The following ZNF608 variants were observed in gnomAD, a reference collection of about 807,000 sequenced individuals.
ZNF608 encodes the protein zinc finger protein 608.
In ZNF608, 12 loss-of-function variants were observed where a neutral mutation model predicts 109.0. That is an observed-to-expected ratio of 0.11 (90% CI 0.07 to 0.18). The LOEUF (loss-of-function observed/expected upper bound fraction) is 0.18. ZNF608 is among the 10% of genes least tolerant of loss of function. The pLI is 1.00. For synonymous variants in ZNF608, 732 were observed against 717.4 expected, an observed-to-expected ratio of 1.02 and a Z score of -0.33; for missense variants, 1,707 against 1,879.3, an observed-to-expected ratio of 0.91 and a Z score of 1.70.
intron 2 of ZNF608, among the ~76,000 whole-genome samples, chr5:124,713,353 G>A (rs1561578092): frequency 6.6e-6 from 1 of 152,162 alleles, no homozygotes; most frequent in Non-Finnish European, 1.5e-5. Context: ...GATGGCCCAC[G>A]GTCCAAATCT....
At chr5:124,746,752 C>T (rs1749654038), upstream of ZNF608, 13 of 985,026 alleles carry the variant, frequency 1.3e-5, no homozygotes, top group Non-Finnish European at 1.6e-5. Context: ...TGGCATTTTT[C>T]CGCCCGTCCT....
chr5:124,669,266 G>A (rs1751615051), intron 3 of ZNF608, among the ~76,000 whole-genome samples: 2 of 152,090 alleles, frequency 1.3e-5, no homozygotes, highest in Non-Finnish European at 2.9e-5. Context: ...AACTTGCATT[G>A]CAAGCCTCTT....
In ZNF608 at chr5:124,648,345, G is replaced by A. The variant is rs186374145; in HGVS notation, c.2039C>T (p.Thr680Met). The change falls in exon 5 of 10, where the codon ACG becomes ATG. Residue 680 changes from threonine to methionine, a missense_variant. Physicochemically the swap from Thr to Met is moderately conservative, Grantham distance 81. This residue lies in a region of ZNF608 where 1,073 missense variants were observed against 1,133.5 expected (regional missense o/e 0.95). Coordinates refer to ENST00000513986, the MANE Select transcript of ZNF608 (RefSeq NM_020747.3). The stretch of plus-strand genomic sequence containing the variant: ...TGCCGAGCAACTGTCTAACGCAGCC[G>A]TCATGTTGGAGATTACTGGAAGGTT... ...LNNLPVISNM[T>M]AALDSCSAAD... 3.0e-5 allele frequency: 49 copies of A among 1,614,210 alleles called. No individual in the cohort carries two copies. The highest frequency in any genetic ancestry group is 1.2e-4 in the African/African-American group (9 of 75,054).
At chr5:124,694,232 A>G (rs1423991806) in intron 3 of ZNF608, among the ~76,000 whole-genome samples, 1 of 137,400 alleles carries the variant, frequency 7.3e-6, no homozygotes, top group Non-Finnish European at 1.5e-5. Context: ...TGACCTCCTG[A>G]TCCGCCCGCC....
At chr5:124,715,003 G>A (rs2149871645) in intron 2 of ZNF608, among the ~76,000 whole-genome samples, 1 of 152,288 alleles carries the variant, frequency 6.6e-6, no homozygotes, top group Non-Finnish European at 1.5e-5. Context: ...CTAAGAATGA[G>A]ATCAGGATCT....
chr5:124,654,183 T>C (rs550715794), intron 3 of ZNF608, among the ~76,000 whole-genome samples: 9 of 152,118 alleles, frequency 5.9e-5, no homozygotes, highest in African/African-American at 2.2e-4. Context: ...CTGCTCACTG[T>C]CTTTTTCCTA....
At chr5:124,665,157 C>T (rs1751424884) in intron 3 of ZNF608, among the ~76,000 whole-genome samples, 1 of 146,930 alleles carries the variant, frequency 6.8e-6, no homozygotes, top group African/African-American at 2.6e-5. Flanking sequence ...GCCTGGGCAA[C>T]AGAGGGAGAC....
chr5:124,695,390 T>A (rs1028425847), intron 3 of ZNF608, among the ~76,000 whole-genome samples: 1 of 152,222 alleles, frequency 6.6e-6, no homozygotes, highest in Non-Finnish European at 1.5e-5. Context: ...TTTTCAGTAG[T>A]AAGATTGGCA....
intron 2 of ZNF608, chr5:124,710,626 A>T (rs1753451562): frequency 6.4e-6 from 1 of 155,276 alleles, no homozygotes; most frequent in Non-Finnish European, 1.4e-5. Context: ...CATATATTCA[A>T]CATATGTCCA....
At chr5:124,731,845 T>C (rs1359418232) in intron 2 of ZNF608, among the ~76,000 whole-genome samples, 1 of 152,096 alleles carries the variant, frequency 6.6e-6, no homozygotes, top group Non-Finnish European at 1.5e-5. Context: ...AAAAAAAGTT[T>C]GGAGTTTTAG....
chr5:124,724,359 C>G (rs550125678), intron 2 of ZNF608, among the ~76,000 whole-genome samples: 14 of 151,976 alleles, frequency 9.2e-5, no homozygotes, highest in African/African-American at 3.1e-4. Context: ...GTAGTTTGAA[C>G]TTTTACCAAT....
chr5:124,703,991 AG>A (rs764377808), intron 2 of ZNF608, among the ~76,000 whole-genome samples: 3 of 152,130 alleles, frequency 2.0e-5, no homozygotes, highest in Non-Finnish European at 4.4e-5. Context: ...TGAGGGGAGA[AG>A]CCAGAGTACT....
chr5:124,712,453 G>GA (rs1466685051), intron 2 of ZNF608, among the ~76,000 whole-genome samples: 1 of 152,188 alleles, frequency 6.6e-6, no homozygotes, highest in Non-Finnish European at 1.5e-5. Flanking sequence ...TTGGCTCAGG[G>GA]AAAATGCAAA....
At position 124,651,721 on chromosome 5, in the gene ZNF608, C is replaced by A. The variant is rs111953098; in HGVS notation, c.1163-2024G>T. ...CTAAGGGTTTCGCGTTTCCAGAGAA[C>A]GCTGGCCGCGGATTGGCCGGCGCCC... is the stretch of plus-strand genomic sequence containing the variant. On this transcript the variant is annotated intron_variant, in intron 3 of 9. Coordinates refer to ENST00000513986, the MANE Select transcript of ZNF608 (RefSeq NM_020747.3). Among the ~76,000 whole-genome samples the A allele has an allele frequency of 7.6e-3, 1,162 of 152,380 alleles. 13 individuals are homozygous for A. Among genetic ancestry groups the A allele is most frequent in the African/African-American group, 0.02 (848 of 41,598 alleles).
chr5:124,657,636 C>T (rs1389898350), intron 3 of ZNF608, among the ~76,000 whole-genome samples: 1 of 152,166 alleles, frequency 6.6e-6, no homozygotes, highest in East Asian at 1.9e-4. Context: ...GATCGCACCA[C>T]TGCACTCCAG....
At chr5:124,699,424 TATC>T (rs757843487) in intron 3 of ZNF608, among the ~76,000 whole-genome samples, 2 of 152,162 alleles carry the variant, frequency 1.3e-5, no homozygotes, top group Non-Finnish European at 2.9e-5. Flanking sequence ...CTTCCCAGAA[TATC>T]TGAAAAACCC....
In ZNF608 at chr5:124,648,531, G is replaced by A. The variant is rs763017058; in HGVS notation, c.1853C>T (p.Ala618Val). Residue 618 changes from alanine (A) to valine (V), a missense_variant, in exon 5 of 10, where the codon GCT (alanine) becomes GTT (valine). By Grantham distance (64) the Ala-to-Val change is moderately conservative. Around this residue, in one of 7 missense-constraint regions of ZNF608, gnomAD observed 1,073 missense variants for 1,133.5 expected, o/e 0.95. Coordinates refer to ENST00000513986, the MANE Select transcript of ZNF608 (RefSeq NM_020747.3). ...ECSEPSTSVS[A>V]YDQLKAPASP... ...TGCCGGTGCCTTCAACTGGTCATAA[G>A]CAGATACACTTGTGCTTGGCTCACT... is the stretch of plus-strand genomic sequence containing the variant. 6.2e-7 allele frequency: 1 copy of A among 1,614,194 alleles called. No homozygotes were observed. The highest frequency in any genetic ancestry group is 1.1e-5 in the South Asian group (1 of 91,088).
At chr5:124,720,708 C>A (rs912133350) in intron 2 of ZNF608, among the ~76,000 whole-genome samples, 1 of 151,902 alleles carries the variant, frequency 6.6e-6, no homozygotes, top group African/African-American at 2.4e-5. Flanking sequence ...CAGAATGGGC[C>A]GCACTTCATG....
At chr5:124,747,531 C>CA (rs1326396340), upstream of ZNF608, among the ~76,000 whole-genome samples, 1 of 150,160 alleles carries the variant, frequency 6.7e-6, no homozygotes, top group Non-Finnish European at 1.5e-5. Flanking sequence ...GTCGTGAGAA[C>CA]AAAAATGGTG....
Sources: gnomAD v4.1 joint callset for allele counts (sites outside exome capture counted in the v4.1 genomes callset) on GRCh38, gnomAD v4.1.1 for gene constraint, gnomAD v4.1.1 regional missense constraint, MANE v1.5 for transcripts, NCBI Gene and HGNC (gene_info 2026-07-23, HGNC 2026-07-21) for gene names.